Variants in NUMB observed in about 807,000 individuals in gnomAD.
The protein encoded by NUMB is protein numb homolog.
Under a neutral mutation model 59.7 loss-of-function variants are expected in NUMB, and 29 were observed. That is an observed-to-expected ratio of 0.49 (90% CI 0.36 to 0.66). The LOEUF is 0.66. Ranked by LOEUF, NUMB falls within the 30% of genes least tolerant of loss-of-function variation. The pLI is 0.00. For missense variants in NUMB, 723 were observed against 822.0 expected (o/e 0.88, Z 1.47); for synonymous variants, 288 against 288.2 (o/e 1.00, Z 0.01).
At chr14:73,340,821 AC>A (rs1200295402) in intron 4 of NUMB, among the ~76,000 whole-genome samples, 2 of 152,216 alleles carry the variant, frequency 1.3e-5, no homozygotes, top group African/African-American at 4.8e-5. Flanking sequence ...CTGTGTCCCC[AC>A]TGAAATCTCA....
In NUMB at chr14:73,287,267, T is replaced by C. The variant is rs1220833617; in HGVS notation, c.498A>G (p.Leu166=). 1 of 1,613,742 alleles carries C rather than the reference T, an allele frequency of 6.2e-7. No homozygotes were observed. Among genetic ancestry groups the C allele is most frequent in the South Asian group, 1.1e-5 (1 of 91,058 alleles). Residue 166 remains leucine, a synonymous_variant, in exon 9 of 13, where the codon TTA becomes TTG. Transcript: ENST00000555238. The stretch of plus-strand genomic sequence containing the variant: ...CCTTCTCCCGCTTCTGCTTGCGCTC[T>C]AAACAGGCTGCAAAAGCACAGCCTA... ...HAVGCAFAAC[L]ERKQKREKEC...
chr14:73,378,859 T>G (rs953619406), intron 2 of NUMB, among the ~76,000 whole-genome samples: 2 of 152,190 alleles, frequency 1.3e-5, no homozygotes, highest in Non-Finnish European at 2.9e-5. Flanking sequence ...ATCCAGGGAA[T>G]GTACACTACC....
In NUMB at chr14:73,292,852, A is replaced by C; in HGVS notation, c.332T>G (p.Ile111Arg). Reference sequence around the variant, plus strand: ...TGGGGCACAGAAAGAAACTTTCTCTATCGTCTGGTCAACTATGAGGTCCTA... The same window carrying C: ...TGGGGCACAGAAAGAAACTTTCTCTCTCGTCTGGTCAACTATGAGGTCCTA... Reference protein sequence around the residue: ...KTKDLIVDQTIEKVSFCAPDR... With the variant: ...KTKDLIVDQTREKVSFCAPDR... Residue 111 changes from isoleucine to arginine, a missense_variant, in exon 8 of 13, where the codon ATA becomes AGA. By Grantham distance (97) the Ile-to-Arg change is moderately conservative. Transcript: ENST00000555238. The C allele has an allele frequency of 6.2e-7, 1 of 1,614,202 alleles. No homozygotes were observed. The highest frequency in any genetic ancestry group is 8.5e-7 in the Non-Finnish European group (1 of 1,180,016).
Position 73,389,289 on chromosome 14 carries a change from A to C in NUMB, c.-101+20648T>G, listed in dbSNP as rs1408064659. Among the ~76,000 whole-genome samples, 49 of 88,686 alleles carry C rather than the reference A, an allele frequency of 5.5e-4. 1 individual carries two copies. The highest frequency in any genetic ancestry group is 8.5e-4 in the Admixed American group (7 of 8,272). The allele number at this position is 88,686 out of a possible 152,430, so 58.2% of individuals were successfully genotyped here. On this transcript the variant is annotated intron_variant, in intron 2 of 12. Transcript: ENST00000555238. ...CCATCTCTCAAAAAAAAAAAAAAAA[A>C]AAAACAAAAACAAAAACACTGGTCT...
At chr14:73,434,873 T>C (rs897886723) in intron 1 of NUMB, among the ~76,000 whole-genome samples, 10 of 152,346 alleles carry the variant, frequency 6.6e-5, no homozygotes, top group African/African-American at 2.4e-4. Context: ...ATGAAAGTTC[T>C]GAGAAATCTT....
intron 2 of NUMB, among the ~76,000 whole-genome samples, chr14:73,370,211 A>C (rs575471615): frequency 6.6e-6 from 1 of 152,294 alleles, no homozygotes; most frequent in East Asian, 1.9e-4. Context: ...CCAATATAAA[A>C]GGGTACAACT....
chr14:73,340,031 G>A (rs1459564377), intron 4 of NUMB, among the ~76,000 whole-genome samples: 3 of 152,114 alleles, frequency 2.0e-5, no homozygotes, highest in African/African-American at 7.2e-5. Flanking sequence ...GTCCAGAGTT[G>A]GAAGCAGGCA....
At position 73,432,106 on chromosome 14, in the gene NUMB, A is replaced by G. The variant is rs561793724; in HGVS notation, c.-232-22038T>C. Among the ~76,000 whole-genome samples, 4 of 152,278 alleles carry G rather than the reference A, an allele frequency of 2.6e-5. No homozygotes were observed. The East Asian group carries it at 5.8e-4, about 22-fold the overall frequency. On this transcript the variant is annotated intron_variant, in intron 1 of 12. Transcript: ENST00000555238. ...TATAACTTTTAATTCTATTCATTCA[A>G]TAAGAATGTACTGATTACCAATCAA...
chr14:73,396,426 G>A (rs963192623), intron 2 of NUMB, among the ~76,000 whole-genome samples: 2 of 150,310 alleles, frequency 1.3e-5, no homozygotes, highest in Admixed American at 1.3e-4. Context: ...TAACTCACTG[G>A]AACCTCATAC....
intron 2 of NUMB, among the ~76,000 whole-genome samples, chr14:73,388,103 TAAAAAAATAA>T (rs1895649824): frequency 6.6e-6 from 1 of 151,474 alleles, no homozygotes; most frequent in Admixed American, 6.6e-5. Context: ...ACCCTGTCTC[TAAAAAAATAA>T]AATAAAATAA....
intron 5 of NUMB, among the ~76,000 whole-genome samples, chr14:73,319,535 T>A (rs10483852): frequency 1.3e-5 from 2 of 152,090 alleles, no homozygotes; most frequent in East Asian, 3.8e-4. Context: ...TCCCACTTAT[T>A]TGAAACTCTA....
chr14:73,356,379 A>G (rs1417316088), intron 3 of NUMB, among the ~76,000 whole-genome samples: 1 of 152,220 alleles, frequency 6.6e-6, no homozygotes, highest in African/African-American at 2.4e-5. Flanking sequence ...GCAATGGCTC[A>G]TGCCTGTAAT....
chr14:73,372,422 CCTATATATGTATAT>C (rs1304610843), intron 2 of NUMB, among the ~76,000 whole-genome samples: 2 of 126,908 alleles, frequency 1.6e-5, no homozygotes, highest in Non-Finnish European at 3.3e-5. Context: ...CATATATGTG[CCTATATATGTATAT>C]CTATATGAAA....
chr14:73,440,344 C>A (rs1443341508), intron 1 of NUMB, among the ~76,000 whole-genome samples: 1 of 150,072 alleles, frequency 6.7e-6, no homozygotes, highest in Non-Finnish European at 1.5e-5. Flanking sequence ...CCCCTTCCCC[C>A]ACACTGTACA....
intron 2 of NUMB, among the ~76,000 whole-genome samples, chr14:73,377,570 G>T (rs1895012631): frequency 6.6e-6 from 1 of 152,196 alleles, no homozygotes; most frequent in African/African-American, 2.4e-5. Flanking sequence ...AACCCTGGAG[G>T]TGGAGGTTGC....
At chr14:73,342,737 T>C (rs942803895) in intron 4 of NUMB, among the ~76,000 whole-genome samples, 4 of 152,220 alleles carry the variant, frequency 2.6e-5, no homozygotes, top group African/African-American at 7.2e-5. Context: ...TACCAGGCAG[T>C]GCTGTGTTTT....
At chr14:73,333,284 G>A (rs1414976040) in intron 4 of NUMB, among the ~76,000 whole-genome samples, 1 of 152,190 alleles carries the variant, frequency 6.6e-6, no homozygotes, top group East Asian at 1.9e-4. Flanking sequence ...CCAACCAAGC[G>A]AGTGTGAAGT....
At chr14:73,412,825 T>C (rs989739475) in intron 1 of NUMB, among the ~76,000 whole-genome samples, 1 of 151,796 alleles carries the variant, frequency 6.6e-6, no homozygotes, top group Non-Finnish European at 1.5e-5. Flanking sequence ...AAGCAGGGTC[T>C]TGTCATGTTG....
chr14:73,407,397 C>T (rs1361465988), intron 2 of NUMB, among the ~76,000 whole-genome samples: 1 of 152,084 alleles, frequency 6.6e-6, no homozygotes, highest in African/African-American at 2.4e-5. Flanking sequence ...GGTTGTAGTG[C>T]TAACTGCACT....
Sources: allele counts gnomAD v4.1 joint callset (sites outside exome capture counted in the v4.1 genomes callset), GRCh38; gene constraint gnomAD v4.1.1; transcripts MANE v1.5; gene names NCBI Gene and HGNC (gene_info 2026-07-23, HGNC 2026-07-21).